RANBP10: variants seen among roughly 807,000 people sequenced by gnomAD.
RANBP10 encodes RAN binding protein 10, also known as ran-binding protein 10.
A neutral mutation model predicts 72.8 loss-of-function variants in RANBP10; 24 were observed. That is an observed-to-expected ratio of 0.33 (90% confidence interval 0.24 to 0.46). The LOEUF (loss-of-function observed/expected upper bound fraction) is 0.46, where lower values mean the gene tolerates loss of function less well. Among genes scored for constraint, RANBP10 ranks in the 20% least tolerant of loss-of-function variants. The pLI, the probability that RANBP10 is intolerant of heterozygous loss-of-function variation, is 1.00. For missense variants in RANBP10, 679 were observed against 817.5 expected (o/e 0.83, Z 2.07); for synonymous variants, 310 against 322.3 (o/e 0.96, Z 0.41).
chr16:67,790,588 T>C (rs930279605), intron 2 of RANBP10, among the ~76,000 whole-genome samples: 7 of 151,918 alleles, frequency 4.6e-5, no homozygotes, highest in Admixed American at 4.6e-4. Context: ...CAGAGCACAA[T>C]GGGCAGCATA....
chr16:67,798,899 G>A (rs978297580), intron 2 of RANBP10, among the ~76,000 whole-genome samples: 6 of 151,936 alleles, frequency 3.9e-5, no homozygotes, highest in Non-Finnish European at 8.8e-5. Context: ...TACAGCCCAC[G>A]CTCCCTGGCC....
chr16:67,780,067 A>G (rs2054782604), intron 2 of RANBP10, among the ~76,000 whole-genome samples: 1 of 152,040 alleles, frequency 6.6e-6, no homozygotes, highest in Non-Finnish European at 1.5e-5. Flanking sequence ...CCCCATCTCT[A>G]CTAAAAATAA....
intron 2 of RANBP10, among the ~76,000 whole-genome samples, chr16:67,784,774 G>A (rs1415478296): frequency 6.6e-6 from 1 of 151,472 alleles, no homozygotes; most frequent in Non-Finnish European, 1.5e-5. Flanking sequence ...AGCCGAGATT[G>A]AGCCATTGCA....
Position 67,726,196 on chromosome 16 carries a change from GCCAATAC to G in RANBP10, c.*225_*231del, listed in dbSNP as rs2053594484. ...AGAAGGCGCTACATGAGAGTAACCA[GCCAATAC>G]TGTGTTACAGGCCGCTGCACGTGAA... On this transcript the variant is annotated 3_prime_UTR_variant, in exon 14 of 14. Coordinates refer to ENST00000317506, the MANE Select transcript of RANBP10 (RefSeq NM_020850.3). 2 of 522,116 alleles carry G rather than the reference GCCAATAC, an allele frequency of 3.8e-6. No individual in the cohort carries two copies. Among genetic ancestry groups the G allele is most frequent in the African/African-American group, 3.9e-5 (2 of 51,478 alleles). The allele number at this position is 522,116 out of a possible 1,614,324, so 32.3% of individuals were successfully genotyped here. A position where few individuals can be genotyped will look rare whatever the true frequency, so the allele number is the denominator to read the frequency against.
chr16:67,792,470 G>A (rs1351607984), intron 2 of RANBP10, among the ~76,000 whole-genome samples: 2 of 151,784 alleles, frequency 1.3e-5, no homozygotes, highest in Non-Finnish European at 2.9e-5. Context: ...GCTGAGGCAG[G>A]AGAATGGCAT....
intron 2 of RANBP10, among the ~76,000 whole-genome samples, chr16:67,778,481 T>A (rs546360681): frequency 6.6e-6 from 1 of 152,170 alleles, no homozygotes; most frequent in Non-Finnish European, 1.5e-5. Context: ...CTTCATGACA[T>A]TGGATTTGGC....
At chr16:67,761,466 G>A (rs968983168) in intron 3 of RANBP10, among the ~76,000 whole-genome samples, 15 of 152,200 alleles carry the variant, frequency 9.9e-5, no homozygotes, top group African/African-American at 1.7e-4. Context: ...TACAGCTACC[G>A]TACTAAACAC....
chr16:67,765,773 T>G (rs2143011074), intron 3 of RANBP10, among the ~76,000 whole-genome samples: 1 of 152,116 alleles, frequency 6.6e-6, no homozygotes, highest in South Asian at 2.1e-4. Context: ...GAGGCGGAGC[T>G]TGCAGTGAGC....
At chr16:67,757,148 C>T (rs139282701) in intron 3 of RANBP10, among the ~76,000 whole-genome samples, 10 of 152,290 alleles carry the variant, frequency 6.6e-5, no homozygotes, top group East Asian at 1.9e-4. Flanking sequence ...GCAGAGGTTG[C>T]GGTGAGCCAA....
Position 67,772,700 on chromosome 16 carries a change from G to A in RANBP10, c.348-614C>T, listed in dbSNP as rs777941602. On this transcript the variant is annotated intron_variant, in intron 2 of 13. Transcript: ENST00000317506. ...GACCCCCTCACTCCTCCCACTCTTTGAAGAGTGGGGCTTATTCTCTTTGAA... is the reference window on the plus strand; with the variant it reads ...GACCCCCTCACTCCTCCCACTCTTTAAAGAGTGGGGCTTATTCTCTTTGAA... Among the ~76,000 whole-genome samples, 123 of 152,124 alleles carry A rather than the reference G, an allele frequency of 8.1e-4. 1 individual carries two copies. The highest frequency in any genetic ancestry group is 2.9e-3 in the African/African-American group (122 of 41,424).
At chr16:67,794,485 C>T (rs193245163) in intron 2 of RANBP10, among the ~76,000 whole-genome samples, 32 of 150,422 alleles carry the variant, frequency 2.1e-4, no homozygotes, top group African/African-American at 5.4e-4. Flanking sequence ...ATTTTTTAAA[C>T]GTAGACTTTA....
rs141387414 is a variant in RANBP10, at chr16:67,761,981, C to G, written c.400+10053G>C. Among the ~76,000 whole-genome samples, 1,094 of 152,160 alleles carry G rather than the reference C, an allele frequency of 7.2e-3. 15 individuals carry two copies. The highest frequency in any genetic ancestry group is 0.025 in the African/African-American group (1,047 of 41,526). On this transcript the variant is annotated intron_variant, in intron 3 of 13. Coordinates refer to ENST00000317506, the MANE Select transcript of RANBP10 (RefSeq NM_020850.3). Reference sequence around the variant, plus strand: ...AATAAGAATAGCTAATACAGCTGAGCATAGTGGCTCACACCTGTAATCCCA... The same window carrying G: ...AATAAGAATAGCTAATACAGCTGAGGATAGTGGCTCACACCTGTAATCCCA...
rs2055364079 is a variant in RANBP10 at position 67,805,515 on chromosome 16, G to A, written c.260C>T (p.Ala87Val). 2 of 1,613,888 alleles carry A rather than the reference G, an allele frequency of 1.2e-6. No individual in the cohort carries two copies. The highest frequency in any genetic ancestry group is 2.2e-5 in the East Asian group (1 of 44,884). The part of the protein sequence containing the change: ...YKGHGKNHKD[A>V]ASVRATHPIP... ...GGGGTGGGTGGCACGCACTGAGGCC[G>A]CATCTTTGTGATTTTTGCCATGACC... The change falls in exon 2 of 14, where the codon GCG becomes GTG. Residue 87 changes from alanine (A) to valine (V), a missense_variant. Physicochemically the swap from Ala to Val is moderately conservative, Grantham distance 64. Coordinates refer to ENST00000317506, the MANE Select transcript of RANBP10 (RefSeq NM_020850.3).
At chr16:67,774,695 T>A (rs1158247686) in intron 2 of RANBP10, among the ~76,000 whole-genome samples, 1 of 152,142 alleles carries the variant, frequency 6.6e-6, no homozygotes, top group Non-Finnish European at 1.5e-5. Context: ...AGGTTGCATA[T>A]TCCAATGAGG....
chr16:67,804,067 C>A (rs2055286657), intron 2 of RANBP10, among the ~76,000 whole-genome samples: 1 of 151,810 alleles, frequency 6.6e-6, no homozygotes, highest in South Asian at 2.1e-4. Flanking sequence ...CAGTGTTGCC[C>A]CCAGCCTAGT....
At chr16:67,797,426 TG>T (rs1209580739) in intron 2 of RANBP10, among the ~76,000 whole-genome samples, 3 of 152,138 alleles carry the variant, frequency 2.0e-5, no homozygotes, top group African/African-American at 7.2e-5. Context: ...CCCAGCACTT[TG>T]GGAGGCTGAG....
intron 2 of RANBP10, among the ~76,000 whole-genome samples, chr16:67,801,817 G>A (rs2143023512): frequency 6.6e-6 from 1 of 152,044 alleles, no homozygotes; most frequent in East Asian, 1.9e-4. Flanking sequence ...AAAATCAGCT[G>A]GGCATGGTGG....
At chr16:67,794,915 G>A (rs2055098202) in intron 2 of RANBP10, among the ~76,000 whole-genome samples, 1 of 126,142 alleles carries the variant, frequency 7.9e-6, no homozygotes, top group African/African-American at 3.1e-5. Flanking sequence ...ACAAGAGTGA[G>A]ACCCTGCCTC....
At chr16:67,781,947 G>C (rs2054821405) in intron 2 of RANBP10, among the ~76,000 whole-genome samples, 2 of 152,076 alleles carry the variant, frequency 1.3e-5, no homozygotes, top group African/African-American at 4.8e-5. Flanking sequence ...GCAACTGGCA[G>C]GGGGTCCATG....
Sources: gnomAD v4.1 joint callset for allele counts (sites outside exome capture counted in the v4.1 genomes callset) on GRCh38, gnomAD v4.1.1 for gene constraint, MANE v1.5 for transcripts, NCBI Gene and HGNC (gene_info 2026-07-23, HGNC 2026-07-21) for gene names.